Variants in CPED1 observed in about 807,000 individuals in gnomAD.
CPED1 encodes cadherin-like and PC-esterase domain-containing protein 1.
In CPED1, 114 loss-of-function variants were observed where a neutral mutation model predicts 128.2. That is an observed-to-expected ratio of 0.89 (90% CI 0.76 to 1.04). The LOEUF (loss-of-function observed/expected upper bound fraction) is 1.04, where lower values mean the gene tolerates loss of function less well. CPED1 is among the 50% of genes least tolerant of loss of function. The pLI is 0.00. For synonymous variants in CPED1, 462 were observed against 426.7 expected, an observed-to-expected ratio of 1.08 and a Z score of -1.02; for missense variants, 1,211 against 1,207.1, an observed-to-expected ratio of 1.00 and a Z score of -0.05.
intron 16 of CPED1, among the ~76,000 whole-genome samples, chr7:121,164,413 C>T (rs1035137448): frequency 5.9e-5 from 9 of 152,224 alleles, no homozygotes; most frequent in East Asian, 1.9e-4. Flanking sequence ...TCACTTCTTT[C>T]GTTCCTCTCT....
chr7:121,026,632 T>G (rs910899313), intron 3 of CPED1, among the ~76,000 whole-genome samples: 1 of 150,406 alleles, frequency 6.6e-6, no homozygotes. Flanking sequence ...AATCAGAATT[T>G]TGGGGGAGGG....
chr7:121,172,307 C>T lies in CPED1; in HGVS notation c.2055+30166C>T, dbSNP rs180806855. On this transcript the variant is annotated intron_variant, in intron 16 of 22. Transcript: ENST00000310396. ...TAAAACTAGTGCTTAGTTTACAATG[C>T]GAAGCAGATTTGAAATCCAAGAGTA... is the stretch of plus-strand genomic sequence containing the variant. 1.8e-3 allele frequency among the ~76,000 whole-genome samples: 268 copies of T among 151,528 alleles called. 1 individual carries two copies. The highest frequency in any genetic ancestry group is 0.014 in the Middle Eastern group (4 of 290).
intron 12 of CPED1, among the ~76,000 whole-genome samples, chr7:121,130,541 T>C (rs1795636973): frequency 6.6e-6 from 1 of 152,146 alleles, no homozygotes; most frequent in Non-Finnish European, 1.5e-5. Flanking sequence ...CTATAATGTT[T>C]AGAATTGAAA....
chr7:121,022,812 A>G (rs1373197047), intron 3 of CPED1, among the ~76,000 whole-genome samples: 2 of 152,216 alleles, frequency 1.3e-5, no homozygotes, highest in African/African-American at 2.4e-5. Context: ...TGCATCCTCT[A>G]TATTATGCTC....
chr7:121,247,141 A>G (rs1350636948), intron 18 of CPED1, among the ~76,000 whole-genome samples: 1 of 152,228 alleles, frequency 6.6e-6, no homozygotes, highest in Non-Finnish European at 1.5e-5. Context: ...GAGGCTGTGT[A>G]ATGGGAAAAT....
chr7:121,038,319 T>C (rs1297928111), intron 3 of CPED1, among the ~76,000 whole-genome samples: 1 of 152,086 alleles, frequency 6.6e-6, no homozygotes, highest in Non-Finnish European at 1.5e-5. Flanking sequence ...AGGAGCTGCA[T>C]GTATTAAGAA....
chr7:121,191,481 G>A (rs1196864826), intron 16 of CPED1, among the ~76,000 whole-genome samples: 2 of 152,114 alleles, frequency 1.3e-5, no homozygotes, highest in African/African-American at 4.8e-5. Flanking sequence ...TTCTATGGCT[G>A]TTGAAATAAG....
intron 16 of CPED1, among the ~76,000 whole-genome samples, chr7:121,229,937 G>A (rs1431081826): frequency 1.3e-5 from 2 of 152,028 alleles, no homozygotes; most frequent in Non-Finnish European, 2.9e-5. Flanking sequence ...GTCAAGCAGA[G>A]TATGGGGTGA....
intron 16 of CPED1, among the ~76,000 whole-genome samples, chr7:121,175,419 T>C (rs1222883011): frequency 6.6e-6 from 1 of 152,074 alleles, no homozygotes; most frequent in African/African-American, 2.4e-5. Flanking sequence ...CTTCATGTTA[T>C]AAACTGTCAA....
chr7:121,125,865 C>T lies in CPED1; in HGVS notation c.1107C>T (p.Gly369=), dbSNP rs1365427724. 1 of 1,613,300 alleles carries T rather than the reference C, an allele frequency of 6.2e-7. No homozygotes were observed. Among genetic ancestry groups the T allele is most frequent in the Non-Finnish European group, 8.5e-7 (1 of 1,179,388 alleles). ...TTCTAACTTTTGATATTGGTTATGG[C>T]AGTTTCATGTACCCTGTAGTGCTCC... is the stretch of plus-strand genomic sequence containing the variant. ...FQLLTFDIGY[G]SFMYPVVLQV... Residue 369 remains glycine, a synonymous_variant, in exon 9 of 23, where the codon GGC becomes GGT. Coordinates refer to ENST00000310396, the MANE Select transcript of CPED1 (RefSeq NM_024913.5).
At chr7:121,195,227 A>G (rs550045894) in intron 16 of CPED1, among the ~76,000 whole-genome samples, 1 of 152,298 alleles carries the variant, frequency 6.6e-6, no homozygotes, top group African/African-American at 2.4e-5. Context: ...ATATCTACAC[A>G]GGTATCTGTA....
At chr7:121,282,895 G>A (rs1410037864) in intron 22 of CPED1, among the ~76,000 whole-genome samples, 1 of 152,036 alleles carries the variant, frequency 6.6e-6, no homozygotes, top group African/African-American at 2.4e-5. Flanking sequence ...TACTCCATGT[G>A]TTTCCTGACA....
chr7:121,047,646 T>TTTCTTCTCC, intron 4 of CPED1, among the ~76,000 whole-genome samples: 1 of 123,076 alleles, frequency 8.1e-6, no homozygotes, highest in African/African-American at 3.6e-5. Flanking sequence ...AGATAGCACC[T>TTTCTTCTCC]TTCTTCTTCT....
At chr7:121,002,262 A>C (rs536469124) in intron 2 of CPED1, among the ~76,000 whole-genome samples, 27 of 152,170 alleles carry the variant, frequency 1.8e-4, no homozygotes, top group Non-Finnish European at 3.7e-4. Context: ...TAATTTAGCC[A>C]AAGTGCACAA....
intron 3 of CPED1, among the ~76,000 whole-genome samples, chr7:121,042,782 GA>G (rs1468942989): frequency 6.6e-6 from 1 of 152,200 alleles, no homozygotes; most frequent in African/African-American, 2.4e-5. Context: ...TGTAAGTTCT[GA>G]AGAACTATTA....
chr7:121,246,871 C>A (rs977040390), intron 18 of CPED1, among the ~76,000 whole-genome samples: 1 of 152,214 alleles, frequency 6.6e-6, no homozygotes, highest in Non-Finnish European at 1.5e-5. Flanking sequence ...TGCTGCACAG[C>A]AAAAGGGCTT....
At chr7:121,082,478 GGTTT>G (rs1191593357) in intron 5 of CPED1, among the ~76,000 whole-genome samples, 2 of 151,996 alleles carry the variant, frequency 1.3e-5, no homozygotes, top group Non-Finnish European at 2.9e-5. Context: ...ACTTGTTTTT[GGTTT>G]GTTTTCTAGA....
chr7:121,273,619 G>A (rs1029004636), intron 22 of CPED1, among the ~76,000 whole-genome samples: 1 of 152,046 alleles, frequency 6.6e-6, no homozygotes. Flanking sequence ...TTTATGGGTG[G>A]ATTTACATTA....
At chr7:121,247,834 A>G (rs1798572821) in intron 18 of CPED1, among the ~76,000 whole-genome samples, 1 of 152,118 alleles carries the variant, frequency 6.6e-6, no homozygotes, top group African/African-American at 2.4e-5. Flanking sequence ...AAGTTTCCCT[A>G]TCTCCCTCCA....
Sources: allele counts gnomAD v4.1 joint callset (sites outside exome capture counted in the v4.1 genomes callset), GRCh38; gene constraint gnomAD v4.1.1; transcripts MANE v1.5; gene names NCBI Gene and HGNC (gene_info 2026-07-23, HGNC 2026-07-21).